The following DMD variants were observed in gnomAD, a reference collection of about 807,000 sequenced individuals.
DMD encodes dystrophin.
Under a neutral mutation model 330.1 loss-of-function variants are expected in DMD, and 63 were observed. The observed-to-expected ratio is 0.19, with a 90% CI of 0.16 to 0.24. The LOEUF is 0.24. Ranked by LOEUF, DMD falls within the 10% of genes least tolerant of loss-of-function variation. The pLI is 1.00. For synonymous variants in DMD, 1,223 were observed against 959.8 expected (o/e 1.27, Z -5.07); for missense variants, 3,344 against 2,684.1 (o/e 1.25, Z -5.43).
chrX:32,400,277 T>C (rs1183328002), intron 30 of DMD, among the ~76,000 whole-genome samples: 10 of 111,999 alleles, frequency 8.9e-5, no homozygotes, highest in African/African-American at 2.9e-4. Flanking sequence ...TTTGCATATA[T>C]TGAACCAGCC....
At chrX:32,899,934 G>A (rs750712216) in intron 2 of DMD, among the ~76,000 whole-genome samples, 10 of 110,799 alleles carry the variant, frequency 9.0e-5, no homozygotes, top group African/African-American at 1.6e-4. Context: ...TTATGGTTCC[G>A]TCTTCCTTAT....
intron 74 of DMD, among the ~76,000 whole-genome samples, chrX:31,153,463 C>T (rs2148001798): frequency 9.6e-6 from 1 of 104,492 alleles, no homozygotes; most frequent in African/African-American, 3.9e-5. Context: ...TTTAGCCCCA[C>T]TTACTTTTTT....
Position 31,989,174 on chromosome X carries a change from C to T in DMD, c.6439-20660G>A, listed in dbSNP as rs183936235. Among the ~76,000 whole-genome samples, 3 of 111,761 alleles carry T rather than the reference C, an allele frequency of 2.7e-5. No individual in the cohort carries two copies. The Admixed American group carries it at 2.8e-4, about 11-fold the overall frequency. ...CACCCACACAAGGGAGAACAATCGG[C>T]TTTGCTCCCTCTACTGATTCAAATG... On this transcript the variant is annotated intron_variant, in intron 44 of 78. Coordinates refer to ENST00000357033, the MANE Select transcript of DMD (RefSeq NM_004006.3).
intron 12 of DMD, among the ~76,000 whole-genome samples, chrX:32,604,822 A>AAAT (rs2056545888): frequency 9.2e-6 from 1 of 109,028 alleles, no homozygotes; most frequent in Non-Finnish European, 1.9e-5. Context: ...AAAAAAAAAA[A>AAAT]TACCTAGGAA....
intron 9 of DMD, among the ~76,000 whole-genome samples, chrX:32,670,944 T>C (rs2061595900): frequency 9.0e-6 from 1 of 111,062 alleles, no homozygotes; most frequent in African/African-American, 3.3e-5. Context: ...TGTGTGTGTG[T>C]GAGTGGGAGA....
intron 44 of DMD, among the ~76,000 whole-genome samples, chrX:32,157,521 T>C (rs774283059): frequency 1.8e-5 from 2 of 112,153 alleles, no homozygotes; most frequent in South Asian, 7.5e-4. Context: ...GCCTTATGGA[T>C]AGATTAAATT....
chrX:32,935,128 G>A (rs1024424351), intron 2 of DMD, among the ~76,000 whole-genome samples: 2 of 112,209 alleles, frequency 1.8e-5, no homozygotes, highest in South Asian at 3.6e-4. Context: ...ACAGGCGCCC[G>A]CCACCACGCC....
chrX:32,810,951 A>C (rs2077326555), intron 6 of DMD, among the ~76,000 whole-genome samples: 1 of 111,147 alleles, frequency 9.0e-6, no homozygotes, highest in Non-Finnish European at 1.9e-5. Flanking sequence ...TTTCGAAGAC[A>C]TAAACATGGC....
chrX:31,576,563 C>T (rs2076108558), intron 55 of DMD, among the ~76,000 whole-genome samples: 1 of 110,305 alleles, frequency 9.1e-6, no homozygotes, highest in African/African-American at 3.3e-5. Context: ...CTTCTTTGCT[C>T]CCAAGTCTCA....
chrX:32,764,858 A>C (rs1311796185), intron 7 of DMD, among the ~76,000 whole-genome samples: 1 of 110,987 alleles, frequency 9.0e-6, no homozygotes, highest in Non-Finnish European at 1.9e-5. Context: ...TGAGAAACCA[A>C]CATATTTGTT....
chrX:31,448,304 C>A (rs1338607832), intron 59 of DMD, among the ~76,000 whole-genome samples: 1 of 111,565 alleles, frequency 9.0e-6, no homozygotes, highest in Non-Finnish European at 1.9e-5. Flanking sequence ...GGAGAATGCT[C>A]ATGTCAGTCT....
intron 1 of DMD, among the ~76,000 whole-genome samples, chrX:33,216,584 A>AC (rs200158040): frequency 0.011 from 1,194 of 111,358 alleles, 16 homozygotes; most frequent in African/African-American, 0.037. Flanking sequence ...CTGAACATGT[A>AC]CCCCCGATTC....
chrX:31,490,083 A>C (rs1276713742), intron 57 of DMD, among the ~76,000 whole-genome samples: 2 of 112,304 alleles, frequency 1.8e-5, no homozygotes, highest in African/African-American at 6.5e-5. Context: ...AATAATTTTT[A>C]AGTCATTTCT....
Position 33,005,275 on chromosome X carries a change from AAC to A in DMD, c.93+14862_93+14863del, listed in dbSNP as rs376666672. ...AACTTTTGGACTTTACACACACACA[AAC>A]ACACACACACACACACACGCATATA... On this transcript the variant is annotated intron_variant, in intron 2 of 78. Transcript: ENST00000357033. Among the ~76,000 whole-genome samples the A allele has an allele frequency of 3.6e-3, 368 of 102,539 alleles. 1 individual carries two copies. Among genetic ancestry groups the A allele is most frequent in the African/African-American group, 0.01 (286 of 28,534 alleles). 89.0% of individuals were successfully genotyped at this position (102,539 alleles called of 115,157 possible).
At chrX:32,617,390 G>A (rs1282310103) in intron 11 of DMD, among the ~76,000 whole-genome samples, 1 of 111,218 alleles carries the variant, frequency 9.0e-6, no homozygotes, top group African/African-American at 3.3e-5. Flanking sequence ...ACATAATAGA[G>A]AACCCAGGAA....
At chrX:32,604,810 C>CAAAAA (rs145750291) in intron 12 of DMD, among the ~76,000 whole-genome samples, 49 of 96,301 alleles carry the variant, frequency 5.1e-4, no homozygotes, top group African/African-American at 1.8e-3. Context: ...ACAACAACTA[C>CAAAAA]AAAAAAAAAA....
At chrX:32,333,122 T>C (rs1209317288) in intron 41 of DMD, among the ~76,000 whole-genome samples, 1 of 111,698 alleles carries the variant, frequency 9.0e-6, no homozygotes, top group African/African-American at 3.2e-5. Context: ...CCAGCATTTT[T>C]CTGTTTTTTA....
chrX:31,951,141 G>GTATATATATA (rs1557025416), intron 45 of DMD, among the ~76,000 whole-genome samples: 66 of 72,764 alleles, frequency 9.1e-4, no homozygotes, highest in African/African-American at 3.9e-3. Context: ...ATATATATAT[G>GTATATATATA]TGTATATATA....
chrX:32,738,668 C>T (rs767760903), intron 7 of DMD, among the ~76,000 whole-genome samples: 3 of 111,711 alleles, frequency 2.7e-5, no homozygotes, highest in Non-Finnish European at 5.7e-5. Flanking sequence ...AGACTGAAAA[C>T]TTCTTCTACA....
Sources: allele counts gnomAD v4.1 joint callset (sites outside exome capture counted in the v4.1 genomes callset), GRCh38; gene constraint gnomAD v4.1.1; transcripts MANE v1.5; gene names NCBI Gene and HGNC (gene_info 2026-07-23, HGNC 2026-07-21).